Variants in NKAIN2 observed in about 807,000 individuals in gnomAD.
NKAIN2 encodes the protein sodium/potassium-transporting ATPase subunit beta-1-interacting protein 2.
Under a neutral mutation model 32.6 loss-of-function variants are expected in NKAIN2, and 14 were observed. The ratio of observed to expected loss-of-function variants is 0.43; its 90% confidence interval spans 0.28 to 0.67. The LOEUF (loss-of-function observed/expected upper bound fraction) is 0.67, where lower values mean the gene tolerates loss of function less well. Ranked by LOEUF, NKAIN2 falls within the 30% of genes least tolerant of loss-of-function variation. The probability of loss-of-function intolerance (pLI) is 0.17; values close to 1 mark genes in which losing one functional copy is unlikely to be tolerated. For missense variants in NKAIN2, 198 were observed against 258.3 expected (o/e 0.77, Z 1.60); for synonymous variants, 80 against 87.2 (o/e 0.92, Z 0.46).
chr6:124,820,965 C>T (rs1038395104), intron 6 of NKAIN2, among the ~76,000 whole-genome samples: 1 of 152,110 alleles, frequency 6.6e-6, no homozygotes, highest in African/African-American at 2.4e-5. Context: ...CATATAACAT[C>T]AGCTCAAGTA....
intron 4 of NKAIN2, among the ~76,000 whole-genome samples, chr6:124,736,611 A>T (rs1471804218): frequency 6.6e-6 from 1 of 151,944 alleles, no homozygotes; most frequent in Non-Finnish European, 1.5e-5. Flanking sequence ...AGTCCTAAGG[A>T]CCTCAAGAAT....
chr6:123,985,646 T>G (rs1779103204), intron 1 of NKAIN2, among the ~76,000 whole-genome samples: 1 of 152,188 alleles, frequency 6.6e-6, no homozygotes, highest in Non-Finnish European at 1.5e-5. Flanking sequence ...TGAGTCCCAA[T>G]TATTCACTAG....
At position 124,791,484 on chromosome 6, in the gene NKAIN2, C is replaced by G. The variant is rs141448910; in HGVS notation, c.535+85C>G. ...CTACTTAGCCTTCCTATTCCTCAGA[C>G]AAGATCCTACAACACAGCATTAGAA... is the stretch of plus-strand genomic sequence containing the variant. On this transcript the variant is annotated intron_variant, in intron 5 of 6. Coordinates refer to ENST00000368417, the MANE Select transcript of NKAIN2 (RefSeq NM_001040214.3). The G allele has an allele frequency of 7.4e-4, 617 of 828,564 alleles. 1 individual carries two copies. In the African/African-American group the frequency reaches 9.4e-3, roughly 13 times the overall value. The allele number at this position is 828,564 out of a possible 1,614,324, so 51.3% of individuals were successfully genotyped here.
intron 3 of NKAIN2, among the ~76,000 whole-genome samples, chr6:124,495,366 G>C (rs1183136641): frequency 1.3e-5 from 2 of 151,972 alleles, no homozygotes; most frequent in Non-Finnish European, 2.9e-5. Flanking sequence ...GTGTGAAAGG[G>C]CTTTTTGTTT....
intron 1 of NKAIN2, among the ~76,000 whole-genome samples, chr6:124,147,921 C>T (rs904380080): frequency 6.6e-6 from 1 of 151,974 alleles, no homozygotes; most frequent in Non-Finnish European, 1.5e-5. Flanking sequence ...AAAAACTTCC[C>T]CTCCCATCTT....
intron 1 of NKAIN2, among the ~76,000 whole-genome samples, chr6:124,117,791 C>A (rs1193130974): frequency 6.6e-6 from 1 of 151,100 alleles, no homozygotes; most frequent in Non-Finnish European, 1.5e-5. Flanking sequence ...TGCCTAGATT[C>A]ATTATATTAT....
At chr6:124,282,981 G>C (rs1171942863) in intron 1 of NKAIN2, 24 bp from the exon 2 acceptor site, 1 of 1,611,636 alleles carries the variant, frequency 6.2e-7, no homozygotes, top group Non-Finnish European at 8.5e-7. Context: ...ATGCTGATCT[G>C]TCCATCCTGT....
At chr6:124,603,674 A>C (rs565815927) in intron 3 of NKAIN2, among the ~76,000 whole-genome samples, 1 of 152,058 alleles carries the variant, frequency 6.6e-6, no homozygotes, top group Non-Finnish European at 1.5e-5. Context: ...CTTCTGTTAT[A>C]TGTAAATAGG....
At chr6:124,040,915 G>T (rs994835847) in intron 1 of NKAIN2, among the ~76,000 whole-genome samples, 1 of 152,072 alleles carries the variant, frequency 6.6e-6, no homozygotes, top group Non-Finnish European at 1.5e-5. Flanking sequence ...AGTTCATAGA[G>T]TTCAATGAGT....
At chr6:124,514,439 T>G (rs1562231623) in intron 3 of NKAIN2, among the ~76,000 whole-genome samples, 1 of 152,194 alleles carries the variant, frequency 6.6e-6, no homozygotes, top group African/African-American at 2.4e-5. Flanking sequence ...TCTGGACGTT[T>G]ATTAGAAAGC....
chr6:124,205,816 ATTTG>A (rs1348007893), intron 1 of NKAIN2, among the ~76,000 whole-genome samples: 1 of 151,870 alleles, frequency 6.6e-6, no homozygotes, highest in African/African-American at 2.4e-5. Context: ...TGTTCCACAA[ATTTG>A]TTTAAGTAAT....
At chr6:124,734,466 AC>A (rs34922953) in intron 4 of NKAIN2, among the ~76,000 whole-genome samples, 47,923 of 151,208 alleles carry the variant, frequency 0.32, 7,698 homozygotes, top group Admixed American at 0.36. Flanking sequence ...GTCCCTTACT[AC>A]CTAAATTCTT....
intron 3 of NKAIN2, among the ~76,000 whole-genome samples, chr6:124,618,393 G>A (rs1397576376): frequency 2.0e-5 from 3 of 152,154 alleles, no homozygotes; most frequent in South Asian, 2.1e-4. Flanking sequence ...CAGGAGAATC[G>A]CTTGAACCAG....
chr6:124,713,636 T>C (rs1039793831), intron 4 of NKAIN2, among the ~76,000 whole-genome samples: 15 of 152,188 alleles, frequency 9.9e-5, no homozygotes, highest in African/African-American at 3.4e-4. Flanking sequence ...AGAGCCATTG[T>C]GCATAAAAAA....
Position 124,812,459 on chromosome 6 carries a change from G to C in NKAIN2, c.536-5928G>C, listed in dbSNP as rs543503250. 6.6e-5 allele frequency among the ~76,000 whole-genome samples: 10 copies of C among 152,256 alleles called. No individual in the cohort carries two copies. The East Asian group carries it at 1.7e-3, about 27-fold the overall frequency. On this transcript the variant is annotated intron_variant, in intron 5 of 6. Coordinates refer to ENST00000368417, the MANE Select transcript of NKAIN2 (RefSeq NM_001040214.3). ...CTAATGTAGTAAACAGTAGAAAACA[G>C]TAAATCTCATGTAGCTTGTATTATA...
intron 1 of NKAIN2, among the ~76,000 whole-genome samples, chr6:123,909,425 A>T (rs1357629316): frequency 6.6e-6 from 1 of 152,080 alleles, no homozygotes; most frequent in East Asian, 1.9e-4. Flanking sequence ...TCCTTGAGAG[A>T]GGCTACAAGG....
At chr6:124,528,258 T>A (rs1482219866) in intron 3 of NKAIN2, among the ~76,000 whole-genome samples, 1 of 152,206 alleles carries the variant, frequency 6.6e-6, no homozygotes, top group African/African-American at 2.4e-5. Flanking sequence ...ATCAAAGGAA[T>A]CTAGTTTCTG....
At chr6:124,370,490 G>A (rs570945715) in intron 3 of NKAIN2, among the ~76,000 whole-genome samples, 29 of 152,122 alleles carry the variant, frequency 1.9e-4, no homozygotes, top group African/African-American at 6.7e-4. Flanking sequence ...CCTGCTAGAG[G>A]AATGAGTCTA....
chr6:123,929,762 G>C (rs1277092193), intron 1 of NKAIN2, among the ~76,000 whole-genome samples: 5 of 151,928 alleles, frequency 3.3e-5, no homozygotes, highest in African/African-American at 1.2e-4. Flanking sequence ...TGAAATGCTG[G>C]GGACCAGAAG....
Sources: allele counts gnomAD v4.1 joint callset (sites outside exome capture counted in the v4.1 genomes callset), GRCh38; gene constraint gnomAD v4.1.1; transcripts MANE v1.5; gene names NCBI Gene and HGNC (gene_info 2026-07-23, HGNC 2026-07-21).